Variants in AGBL4 observed in about 807,000 individuals in gnomAD.
AGBL4 encodes cytosolic carboxypeptidase 6.
Under a neutral mutation model 66.4 loss-of-function variants are expected in AGBL4, and 58 were observed. The ratio of observed to expected loss-of-function variants is 0.87; its 90% CI spans 0.71 to 1.09. The LOEUF (loss-of-function observed/expected upper bound fraction) is 1.09. Among genes scored for constraint, AGBL4 ranks in the 50% least tolerant of loss-of-function variants. The pLI is 0.00. For missense variants in AGBL4, 579 were observed against 631.0 expected (o/e 0.92, Z 0.88); for synonymous variants, 234 against 222.9 (o/e 1.05, Z -0.44).
chr1:49,269,028 C>T (rs1467551658), intron 3 of AGBL4: 1 of 152,200 alleles, frequency 6.6e-6, no homozygotes, highest in African/African-American at 2.4e-5. Context: ...CCTCAAGAAG[C>T]CTTGTGTAGT....
At chr1:49,662,238 TTA>T in intron 3 of AGBL4, among the ~76,000 whole-genome samples, 1 of 151,166 alleles carries the variant, frequency 6.6e-6, no homozygotes, top group South Asian at 2.1e-4. Context: ...CATACATACA[TTA>T]TATATGTGTA....
intron 3 of AGBL4, among the ~76,000 whole-genome samples, chr1:49,269,476 C>A (rs1032343967): frequency 6.6e-6 from 1 of 152,156 alleles, no homozygotes; most frequent in Non-Finnish European, 1.5e-5. Context: ...TACAACCAGG[C>A]CTTTCCTTGC....
intron 6 of AGBL4, among the ~76,000 whole-genome samples, chr1:48,831,615 T>A (rs1453524692): frequency 6.6e-6 from 1 of 152,226 alleles, no homozygotes; most frequent in Non-Finnish European, 1.5e-5. Flanking sequence ...TTCTGAATCA[T>A]AGCCACTAAC....
intron 3 of AGBL4, among the ~76,000 whole-genome samples, chr1:49,673,014 C>T (rs1301297293): frequency 6.6e-6 from 1 of 151,682 alleles, no homozygotes; most frequent in East Asian, 1.9e-4. Context: ...ACATACACTT[C>T]CAAAATCAGT....
chr1:48,855,534 G>C (rs1337331256), intron 6 of AGBL4, among the ~76,000 whole-genome samples: 1 of 152,156 alleles, frequency 6.6e-6, no homozygotes, highest in African/African-American at 2.4e-5. Flanking sequence ...GGAGGTGGGA[G>C]TATTAATTGG....
At chr1:49,565,123 G>T (rs1171996615) in intron 3 of AGBL4, among the ~76,000 whole-genome samples, 1 of 152,130 alleles carries the variant, frequency 6.6e-6, no homozygotes, top group Non-Finnish European at 1.5e-5. Context: ...AGACAGGATT[G>T]CAACCCCTGC....
At chr1:49,027,576 T>C (rs1466406680) in intron 5 of AGBL4, among the ~76,000 whole-genome samples, 1 of 152,106 alleles carries the variant, frequency 6.6e-6, no homozygotes, top group African/African-American at 2.4e-5. Flanking sequence ...TCCAAGAGTA[T>C]GCCATCAAGA....
chr1:48,636,965 CT>C (rs1645677314), intron 8 of AGBL4, among the ~76,000 whole-genome samples: 1 of 152,172 alleles, frequency 6.6e-6, no homozygotes, highest in Non-Finnish European at 1.5e-5. Context: ...TAAGAACCTT[CT>C]ACACACCAAG....
At chr1:49,887,489 T>C (rs1571807081) in intron 1 of AGBL4, among the ~76,000 whole-genome samples, 2 of 152,174 alleles carry the variant, frequency 1.3e-5, no homozygotes, top group African/African-American at 4.8e-5. Context: ...GGAGAATTTA[T>C]AGAAGTCATA....
intron 1 of AGBL4, among the ~76,000 whole-genome samples, chr1:49,892,956 G>A (rs1399966547): frequency 6.6e-6 from 1 of 151,772 alleles, no homozygotes; most frequent in Non-Finnish European, 1.5e-5. Flanking sequence ...CTAATACTTT[G>A]CAGTTTTGTT....
intron 3 of AGBL4, among the ~76,000 whole-genome samples, chr1:49,671,322 C>CA (rs1646471408): frequency 6.6e-6 from 1 of 152,086 alleles, no homozygotes; most frequent in African/African-American, 2.4e-5. Flanking sequence ...ACACTATATA[C>CA]AAAAATCAAC....
chr1:49,981,727 G>C (rs1343859102), intron 1 of AGBL4, among the ~76,000 whole-genome samples: 1 of 152,060 alleles, frequency 6.6e-6, no homozygotes, highest in Non-Finnish European at 1.5e-5. Flanking sequence ...GAGTTGTGCT[G>C]GGCAGATAAT....
intron 6 of AGBL4, among the ~76,000 whole-genome samples, chr1:48,805,418 G>A (rs186407594): frequency 2.6e-5 from 4 of 152,256 alleles, no homozygotes; most frequent in South Asian, 2.1e-4. Flanking sequence ...ATAGCTGTGC[G>A]GTAGAATCCC....
chr1:48,921,885 A>G (rs970864188), intron 5 of AGBL4, among the ~76,000 whole-genome samples: 1 of 152,194 alleles, frequency 6.6e-6, no homozygotes, highest in African/African-American at 2.4e-5. Context: ...CAGTTTCCTT[A>G]TAAGTCAAGT....
At chr1:49,877,006 T>A (rs1195169963) in intron 1 of AGBL4, among the ~76,000 whole-genome samples, 1 of 151,756 alleles carries the variant, frequency 6.6e-6, no homozygotes, top group East Asian at 1.9e-4. Flanking sequence ...GTACATTGAT[T>A]TTGTATCCTG....
intron 6 of AGBL4, among the ~76,000 whole-genome samples, chr1:48,860,397 G>C (rs776330070): frequency 5.3e-5 from 8 of 152,210 alleles, no homozygotes; most frequent in Non-Finnish European, 1.0e-4. Flanking sequence ...AAAAGGGTAA[G>C]TGGTTCTGGG....
intron 1 of AGBL4, among the ~76,000 whole-genome samples, chr1:49,932,624 T>C (rs1344130070): frequency 1.3e-5 from 2 of 151,882 alleles, no homozygotes; most frequent in East Asian, 1.9e-4. Context: ...CAAGAATATA[T>C]AACAACCCCT....
At chr1:49,382,534 GA>G (rs1644642898) in intron 3 of AGBL4, among the ~76,000 whole-genome samples, 1 of 151,972 alleles carries the variant, frequency 6.6e-6, no homozygotes, top group African/African-American at 2.4e-5. Context: ...GGTCATATAT[GA>G]AAAACCCACA....
intron 2 of AGBL4, chr1:49,844,621 C>G: frequency 7.0e-7 from 1 of 1,433,240 alleles, no homozygotes; most frequent in Non-Finnish European, 9.4e-7. Context: ...CTTCCTCTTC[C>G]CATCTCACCA....
Sources: gnomAD v4.1 joint callset for allele counts (sites outside exome capture counted in the v4.1 genomes callset) on GRCh38, gnomAD v4.1.1 for gene constraint, MANE v1.5 for transcripts, NCBI Gene and HGNC (gene_info 2026-07-23, HGNC 2026-07-21) for gene names.